The following ALOX5 variants were observed in gnomAD, a reference collection of about 807,000 sequenced individuals.
The protein encoded by ALOX5 is polyunsaturated fatty acid 5-lipoxygenase.
A neutral mutation model predicts 87.9 loss-of-function variants in ALOX5; 64 were observed. The ratio of observed to expected loss-of-function variants is 0.73; its 90% CI spans 0.60 to 0.90. The LOEUF (loss-of-function observed/expected upper bound fraction) is 0.90, where lower values mean the gene tolerates loss of function less well. ALOX5 is among the 40% of genes least tolerant of loss of function. The pLI is 0.00. For missense variants in ALOX5, 822 were observed against 907.5 expected (o/e 0.91, Z 1.21); for synonymous variants, 388 against 355.1 (o/e 1.09, Z -1.04).
At chr10:45,387,519 C>A (rs1016589590) in intron 2 of ALOX5, among the ~76,000 whole-genome samples, 4 of 152,186 alleles carry the variant, frequency 2.6e-5, no homozygotes, top group Non-Finnish European at 5.9e-5. Context: ...AGCAAAAAGG[C>A]AGCTCTGCAC....
At chr10:45,427,177 G>GA (rs1278115721) in intron 6 of ALOX5, among the ~76,000 whole-genome samples, 2 of 152,196 alleles carry the variant, frequency 1.3e-5, no homozygotes, top group Non-Finnish European at 2.9e-5. Context: ...CAAATCTCAG[G>GA]CCTCCTATTC....
At chr10:45,400,862 A>G (rs1408638029) in intron 3 of ALOX5, among the ~76,000 whole-genome samples, 1 of 151,772 alleles carries the variant, frequency 6.6e-6, no homozygotes, top group Non-Finnish European at 1.5e-5. Flanking sequence ...TTATTTCAGA[A>G]TTGGGTTATA....
intron 13 of ALOX5, 127 bp from the exon 14 acceptor site, chr10:45,445,380 TG>T: frequency 8.7e-7 from 1 of 1,145,376 alleles, no homozygotes; most frequent in Non-Finnish European, 1.2e-6. Flanking sequence ...AGGGTGAATA[TG>T]GGGAGGTGAA....
Position 45,400,524 on chromosome 10 carries a change from G to A in ALOX5, c.431+4588G>A, listed in dbSNP as rs1241255827. 5.9e-5 allele frequency among the ~76,000 whole-genome samples: 9 copies of A among 152,058 alleles called. No homozygotes were observed. The South Asian group carries it at 6.2e-4, about 11-fold the overall frequency. Reference sequence around the variant, plus strand: ...TAAGGCAGGAGAATCACTTGAACCCGGGAGGCGGAGGTTGCAGTGAGCCTA... The same window carrying A: ...TAAGGCAGGAGAATCACTTGAACCCAGGAGGCGGAGGTTGCAGTGAGCCTA... On this transcript the variant is annotated intron_variant, in intron 3 of 13. Coordinates refer to ENST00000374391, the MANE Select transcript of ALOX5 (RefSeq NM_000698.5).
chr10:45,442,799 T>G (rs2242333), intron 9 of ALOX5: 35,716 of 533,786 alleles, frequency 0.067, 3,438 homozygotes, highest in East Asian at 0.41. Context: ...TCTTGTACTC[T>G]GCAGCCCCAC....
chr10:45,378,376 C>G (rs1258297769), intron 1 of ALOX5, among the ~76,000 whole-genome samples: 1 of 152,162 alleles, frequency 6.6e-6, no homozygotes, highest in Non-Finnish European at 1.5e-5. Context: ...CTTGAGGCCA[C>G]CATTGCTCTC....
chr10:45,402,074 G>A (rs556865771), intron 3 of ALOX5, among the ~76,000 whole-genome samples: 14 of 127,410 alleles, frequency 1.1e-4, no homozygotes, highest in East Asian at 6.7e-4. Context: ...GCGACAGAGC[G>A]AGACTCCGTC....
intron 1 of ALOX5, among the ~76,000 whole-genome samples, chr10:45,381,442 G>A (rs925899840): frequency 1.2e-4 from 19 of 152,258 alleles, no homozygotes; most frequent in Non-Finnish European, 2.2e-4. Context: ...GACCTGGGGT[G>A]TGACTCCAGC....
In ALOX5 at chr10:45,425,808, C is replaced by T. The variant is rs993835015; in HGVS notation, c.834+676C>T. 3.9e-5 allele frequency among the ~76,000 whole-genome samples: 6 copies of T among 152,246 alleles called. 1 individual carries two copies. Among genetic ancestry groups the T allele is most frequent in the African/African-American group, 1.4e-4 (6 of 41,468 alleles). On this transcript the variant is annotated intron_variant, in intron 6 of 13. Coordinates refer to ENST00000374391, the MANE Select transcript of ALOX5 (RefSeq NM_000698.5). The surrounding 1 kb of genome is among the most constrained non-coding windows in gnomAD (Gnocchi z 4.4). ...GTGATGGGGCCTCCTGCCACCCAGG[C>T]CCTGCTGCCTATCCCCAGGTGTCCA...
At chr10:45,417,826 C>T (rs1336774657) in intron 4 of ALOX5, among the ~76,000 whole-genome samples, 1 of 152,148 alleles carries the variant, frequency 6.6e-6, no homozygotes, top group Non-Finnish European at 1.5e-5. Flanking sequence ...CTAGCTGTTT[C>T]CTTTGCCACA....
At chr10:45,429,740 G>A (rs1435663233) in intron 7 of ALOX5, among the ~76,000 whole-genome samples, 5 of 152,076 alleles carry the variant, frequency 3.3e-5, no homozygotes, top group African/African-American at 1.2e-4. Context: ...GTGGGAGGGG[G>A]TATGGCACAT....
chr10:45,386,115 C>T (rs1363786286), intron 2 of ALOX5, among the ~76,000 whole-genome samples: 1 of 152,038 alleles, frequency 6.6e-6, no homozygotes, highest in East Asian at 1.9e-4. Flanking sequence ...TCCTGGCTAA[C>T]ACAGTAAAAC....
chr10:45,393,359 A>G (rs1840366547), intron 2 of ALOX5, among the ~76,000 whole-genome samples: 1 of 152,218 alleles, frequency 6.6e-6, no homozygotes, highest in Non-Finnish European at 1.5e-5. Flanking sequence ...AAACCACATG[A>G]TTATCTCAAT....
At chr10:45,444,603 G>T in intron 13 of ALOX5, 1 of 365,116 alleles carries the variant, frequency 2.7e-6, no homozygotes, top group Non-Finnish European at 4.9e-6. Context: ...TACTCCAGAG[G>T]GAATGACCAA....
At chr10:45,396,479 G>A (rs1026538118) in intron 3 of ALOX5, among the ~76,000 whole-genome samples, 4 of 152,104 alleles carry the variant, frequency 2.6e-5, no homozygotes, top group South Asian at 2.1e-4. Context: ...CAACAAACTA[G>A]TTAAATGAAA....
intron 7 of ALOX5, among the ~76,000 whole-genome samples, chr10:45,429,669 G>A (rs1467963436): frequency 6.6e-6 from 1 of 152,142 alleles, no homozygotes; most frequent in Non-Finnish European, 1.5e-5. Flanking sequence ...ATATGTATGT[G>A]GATCACTGCA....
intron 7 of ALOX5, among the ~76,000 whole-genome samples, chr10:45,430,688 G>A (rs1841877598): frequency 6.6e-6 from 1 of 151,830 alleles, no homozygotes; most frequent in African/African-American, 2.4e-5. Context: ...GAGTAATATG[G>A]CAAAAATTTG....
At chr10:45,383,896 T>C (rs1839926289) in intron 2 of ALOX5, among the ~76,000 whole-genome samples, 1 of 152,200 alleles carries the variant, frequency 6.6e-6, no homozygotes, top group African/African-American at 2.4e-5. Flanking sequence ...CACTTCTCTT[T>C]TTCTGGTAGT....
intron 6 of ALOX5, chr10:45,428,256 C>T (rs1841799299): frequency 3.9e-6 from 1 of 257,352 alleles, no homozygotes; most frequent in South Asian, 7.2e-5. Context: ...TGTGTAGAGT[C>T]CGGCAGCATC....
Sources: gnomAD v4.1 joint callset for allele counts (sites outside exome capture counted in the v4.1 genomes callset) on GRCh38, gnomAD v4.1.1 for gene constraint, Gnocchi (gnomAD v3.1) non-coding constraint, MANE v1.5 for transcripts, NCBI Gene and HGNC (gene_info 2026-07-23, HGNC 2026-07-21) for gene names.